The following NDST4 variants were observed in gnomAD, a reference collection of about 807,000 sequenced individuals.
NDST4 encodes the protein N-heparan sulfate sulfotransferase 4.
Under a neutral mutation model 100.8 loss-of-function variants are expected in NDST4, and 63 were observed. The observed-to-expected ratio is 0.62, with a 90% CI of 0.51 to 0.77. The LOEUF (loss-of-function observed/expected upper bound fraction) is 0.77, where lower values mean the gene tolerates loss of function less well. Among genes scored for constraint, NDST4 ranks in the 30% least tolerant of loss-of-function variants. The pLI is 0.00. For synonymous variants in NDST4, 377 were observed against 361.8 expected, an observed-to-expected ratio of 1.04 and a Z score of -0.48; for missense variants, 943 against 1,018.4, an observed-to-expected ratio of 0.93 and a Z score of 1.01.
chr4:115,039,445 A>G (rs1553919382), intron 2 of NDST4, among the ~76,000 whole-genome samples: 1 of 152,006 alleles, frequency 6.6e-6, no homozygotes, highest in Non-Finnish European at 1.5e-5. Flanking sequence ...GAAAGAAAAA[A>G]AAAACTTGTT....
chr4:115,086,779 T>A (rs1440921450), intron 1 of NDST4, among the ~76,000 whole-genome samples: 2 of 152,082 alleles, frequency 1.3e-5, no homozygotes, highest in Non-Finnish European at 2.9e-5. Flanking sequence ...CATGATTTTT[T>A]AAAAATAAAG....
At position 115,112,291 on chromosome 4, in the gene NDST4, T is replaced by C. The variant is rs549891236; in HGVS notation, c.-247+1153A>G. Among the ~76,000 whole-genome samples the C allele has an allele frequency of 2.1e-4, 32 of 151,980 alleles. 2 individuals carry two copies. The highest frequency in any genetic ancestry group is 6.0e-4 in the African/African-American group (25 of 41,510). Reference sequence around the variant, plus strand: ...CAACCAATTACAATAACTTTCATCTTTATCAATTTCCTCTTGGGGCAGAAA... The same window carrying C: ...CAACCAATTACAATAACTTTCATCTCTATCAATTTCCTCTTGGGGCAGAAA... On this transcript the variant is annotated intron_variant, in intron 1 of 13. Transcript: ENST00000264363.
chr4:115,021,768 A>G (rs368818052), intron 2 of NDST4, among the ~76,000 whole-genome samples: 18 of 150,148 alleles, frequency 1.2e-4, no homozygotes, highest in African/African-American at 3.7e-4. Flanking sequence ...TCCCACATCT[A>G]TACACATTCC....
intron 2 of NDST4, among the ~76,000 whole-genome samples, chr4:115,020,397 G>A (rs1727784105): frequency 6.6e-6 from 1 of 152,104 alleles, no homozygotes; most frequent in Non-Finnish European, 1.5e-5. Context: ...TGATGAACTA[G>A]GATATCTGGT....
At chr4:115,025,246 C>T (rs894157325) in intron 2 of NDST4, among the ~76,000 whole-genome samples, 2 of 152,132 alleles carry the variant, frequency 1.3e-5, no homozygotes, top group African/African-American at 4.8e-5. Context: ...CAGCCTAGAA[C>T]ATTCTCTGCT....
At chr4:115,015,965 C>G (rs942709035) in intron 2 of NDST4, among the ~76,000 whole-genome samples, 1 of 152,000 alleles carries the variant, frequency 6.6e-6, no homozygotes, top group African/African-American at 2.4e-5. Context: ...ATGGAAGGAG[C>G]AGCATTTTGT....
chr4:115,033,125 AT>A (rs1728149448), intron 2 of NDST4, among the ~76,000 whole-genome samples: 1 of 95,210 alleles, frequency 1.1e-5, no homozygotes, highest in Non-Finnish European at 1.8e-5. Context: ...AATTATATAT[AT>A]ATGTGTATAT....
At chr4:115,059,934 AC>A (rs778584383) in intron 2 of NDST4, among the ~76,000 whole-genome samples, 1 of 151,582 alleles carries the variant, frequency 6.6e-6, no homozygotes, top group Non-Finnish European at 1.5e-5. Flanking sequence ...GGCATCTCCT[AC>A]CTTGAGGATT....
At chr4:115,052,932 GA>G (rs1340117816) in intron 2 of NDST4, among the ~76,000 whole-genome samples, 1 of 152,096 alleles carries the variant, frequency 6.6e-6, no homozygotes, top group African/African-American at 2.4e-5. Context: ...TTCTGCTGCA[GA>G]AAAGCCACAC....
At chr4:115,084,880 C>T (rs934219442) in intron 1 of NDST4, among the ~76,000 whole-genome samples, 1 of 152,066 alleles carries the variant, frequency 6.6e-6, no homozygotes, top group Non-Finnish European at 1.5e-5. Flanking sequence ...TGTAGCCACC[C>T]CCCCCACAGT....
intron 2 of NDST4, among the ~76,000 whole-genome samples, chr4:115,029,478 C>T (rs2126269073): frequency 6.6e-6 from 1 of 152,208 alleles, no homozygotes; most frequent in South Asian, 2.1e-4. Context: ...TTCTTGTCCT[C>T]TCAGGTAGCT....
At chr4:114,917,773 T>C (rs1168597456) in intron 6 of NDST4, among the ~76,000 whole-genome samples, 3 of 152,138 alleles carry the variant, frequency 2.0e-5, no homozygotes, top group Non-Finnish European at 4.4e-5. Flanking sequence ...ACAAGCTCTC[T>C]GATACTGAAT....
At position 115,051,704 on chromosome 4, in the gene NDST4, G is replaced by A. The variant is rs996271175; in HGVS notation, c.978+24355C>T. Among the ~76,000 whole-genome samples, 20 of 152,142 alleles carry A rather than the reference G, an allele frequency of 1.3e-4. No homozygotes were observed. The East Asian group carries it at 3.7e-3, about 28-fold the overall frequency. The stretch of plus-strand genomic sequence containing the variant: ...GTAGATTCCATATTTTGGCTATTAC[G>A]AATAATGCAGTGAACATGGGAGTGT... On this transcript the variant is annotated intron_variant, in intron 2 of 13. Coordinates refer to ENST00000264363, the MANE Select transcript of NDST4 (RefSeq NM_022569.3).
chr4:114,901,225 C>T (rs1724830891), intron 6 of NDST4, among the ~76,000 whole-genome samples: 2 of 151,848 alleles, frequency 1.3e-5, no homozygotes, highest in African/African-American at 4.8e-5. Flanking sequence ...ATGAATCTGT[C>T]CATTTCTGAT....
At chr4:114,965,478 T>C (rs536759944) in intron 4 of NDST4, among the ~76,000 whole-genome samples, 3 of 152,202 alleles carry the variant, frequency 2.0e-5, no homozygotes, top group South Asian at 2.1e-4. Flanking sequence ...AAAAAAGTTA[T>C]ATAGATTTCA....
At chr4:115,030,322 A>G (rs1410510471) in intron 2 of NDST4, among the ~76,000 whole-genome samples, 1 of 152,154 alleles carries the variant, frequency 6.6e-6, no homozygotes, top group Non-Finnish European at 1.5e-5. Flanking sequence ...TTGAATGTAT[A>G]TTATAATTTT....
chr4:115,089,922 G>A (rs1729482297), intron 1 of NDST4, among the ~76,000 whole-genome samples: 1 of 151,278 alleles, frequency 6.6e-6, no homozygotes, highest in African/African-American at 2.4e-5. Context: ...TATTAATATT[G>A]GTATATGTCC....
rs1264253374 is a variant in NDST4, at chr4:114,848,271, C to G, written c.1884G>C (p.Lys628Asn). 15 of 1,610,684 alleles carry G rather than the reference C, an allele frequency of 9.3e-6. No homozygotes were observed. The South Asian group carries it at 1.7e-4, about 18-fold the overall frequency. Residue 628 changes from lysine to asparagine, a missense_variant, in exon 9 of 14, where the codon AAG becomes AAC. Around this residue, in one of 2 missense-constraint regions of NDST4, gnomAD observed 526 missense variants for 634.1 expected, o/e 0.83. Transcript: ENST00000264363. ...PSIISNLPSP[K>N]TFEEVQFFNG... ...TAAAGAACTGAACTTCCTCAAATGTCTTTGGACTAGGGAGATTGCTGATGA... is the reference window on the plus strand; with the variant it reads ...TAAAGAACTGAACTTCCTCAAATGTGTTTGGACTAGGGAGATTGCTGATGA...
At chr4:114,953,682 T>G (rs1407152999) in intron 4 of NDST4, among the ~76,000 whole-genome samples, 1 of 152,194 alleles carries the variant, frequency 6.6e-6, no homozygotes, top group Non-Finnish European at 1.5e-5. Flanking sequence ...TTTTAGGAAG[T>G]TGTTCACTGA....
Sources: gnomAD v4.1 joint callset for allele counts (sites outside exome capture counted in the v4.1 genomes callset) on GRCh38, gnomAD v4.1.1 for gene constraint, gnomAD v4.1.1 regional missense constraint, MANE v1.5 for transcripts, NCBI Gene and HGNC (gene_info 2026-07-23, HGNC 2026-07-21) for gene names.